The following CCDC191 variants were observed in gnomAD, a reference collection of about 807,000 sequenced individuals.
The protein encoded by CCDC191 is coiled-coil domain containing 191, also known as coiled-coil domain-containing protein 191.
CCDC191 carries 99 observed loss-of-function variants against 114.0 expected under a neutral mutation model. That is an observed-to-expected ratio of 0.87 (90% CI 0.74 to 1.03). CCDC191 has a LOEUF of 1.03. Among genes scored for constraint, CCDC191 ranks in the 50% least tolerant of loss-of-function variants. The pLI is 0.00. For missense variants in CCDC191, 973 were observed against 1,087.0 expected (o/e 0.90, Z 1.47); for synonymous variants, 351 against 376.0 (o/e 0.93, Z 0.77).
chr3:114,022,016 A>G (rs2076251267), intron 7 of CCDC191, among the ~76,000 whole-genome samples: 1 of 152,178 alleles, frequency 6.6e-6, no homozygotes, highest in South Asian at 2.1e-4. Context: ...TAGGTAAATA[A>G]AATACAGAAA....
At position 114,005,947 on chromosome 3, in the gene CCDC191, G is replaced by C. The variant is rs575617276; in HGVS notation, c.1429C>G (p.Pro477Ala). The C allele has an allele frequency of 2.0e-5, 33 of 1,613,910 alleles. 1 individual carries two copies. The South Asian group carries it at 3.1e-4, about 15-fold the overall frequency. ...CCCAAGGGAGGCTTTTCCCACAAAG[G>C]GGGCACAGCAGTCTCCTGAGAGAGA... ...VKNGQETAVP[P>A]LWEKPPLGSS... Residue 477 changes from proline (P) to alanine (A), a missense_variant, in exon 10 of 17, where the codon CCT (proline) becomes GCT (alanine). Physicochemically the swap from Pro to Ala is conservative, Grantham distance 27 (BLOSUM62 -1). Coordinates refer to ENST00000295878, the MANE Select transcript of CCDC191 (RefSeq NM_020817.2).
chr3:113,992,804 T>C (rs2075612177), intron 13 of CCDC191, among the ~76,000 whole-genome samples: 1 of 152,226 alleles, frequency 6.6e-6, no homozygotes, highest in Non-Finnish European at 1.5e-5. Flanking sequence ...TCCACACTCA[T>C]TTTATGAGGC....
chr3:114,001,160 T>C (rs947546487), intron 13 of CCDC191, among the ~76,000 whole-genome samples: 13 of 152,198 alleles, frequency 8.5e-5, no homozygotes, highest in African/African-American at 3.1e-4. Flanking sequence ...ATTTATTCAC[T>C]CATTAAACAC....
At chr3:113,980,861 A>C in intron 13 of CCDC191, 68 bp from the exon 14 acceptor site, 1 of 1,410,280 alleles carries the variant, frequency 7.1e-7, no homozygotes, top group Non-Finnish European at 9.8e-7. Flanking sequence ...ATGAAAAGCT[A>C]ATGAATTTAA....
At chr3:113,975,865 G>C (rs1941290680) in intron 16 of CCDC191, among the ~76,000 whole-genome samples, 1 of 152,216 alleles carries the variant, frequency 6.6e-6, no homozygotes, top group African/African-American at 2.4e-5. Context: ...ATATCAAGTA[G>C]ACATTGGCTG....
At chr3:113,982,435 T>A (rs1250322205) in intron 13 of CCDC191, among the ~76,000 whole-genome samples, 5 of 152,194 alleles carry the variant, frequency 3.3e-5, no homozygotes, top group African/African-American at 1.2e-4. Flanking sequence ...AGCACCTGCA[T>A]CCATGATTTA....
At chr3:113,971,328 A>G (rs953242198) in intron 16 of CCDC191, among the ~76,000 whole-genome samples, 1 of 152,082 alleles carries the variant, frequency 6.6e-6, no homozygotes, top group African/African-American at 2.4e-5. Context: ...GATGATGAGC[A>G]TTTTTTCTTG....
chr3:113,979,115 G>T, intron 14 of CCDC191, 105 bp from the exon 15 acceptor site: 1 of 1,042,214 alleles, frequency 9.6e-7, no homozygotes, highest in Non-Finnish European at 1.4e-6. Flanking sequence ...TAGGCAGTCG[G>T]TAGAGAATAA....
intron 3 of CCDC191, among the ~76,000 whole-genome samples, chr3:114,045,000 T>C (rs2076610040): frequency 1.3e-5 from 2 of 152,240 alleles, no homozygotes; most frequent in African/African-American, 2.4e-5. Context: ...TCTATCCATA[T>C]ACCAAACCAT....
At chr3:113,999,813 T>C (rs2075817886) in intron 13 of CCDC191, among the ~76,000 whole-genome samples, 1 of 152,254 alleles carries the variant, frequency 6.6e-6, no homozygotes, top group Non-Finnish European at 1.5e-5. Flanking sequence ...TCTATCACAG[T>C]ATTTAAGTTA....
intron 16 of CCDC191, among the ~76,000 whole-genome samples, chr3:113,974,887 CT>C (rs1278993816): frequency 6.6e-6 from 1 of 152,024 alleles, no homozygotes; most frequent in African/African-American, 2.4e-5. Flanking sequence ...TCTCTCTAAT[CT>C]TTTATGTTTT....
intron 16 of CCDC191, among the ~76,000 whole-genome samples, chr3:113,965,985 G>A (rs896869519): frequency 3.3e-5 from 5 of 152,056 alleles, no homozygotes; most frequent in Admixed American, 6.6e-5. Flanking sequence ...CCCAAGCTAC[G>A]AGGCACACTC....
intron 13 of CCDC191, among the ~76,000 whole-genome samples, chr3:113,998,167 G>T (rs568005288): frequency 6.6e-6 from 1 of 151,776 alleles, no homozygotes; most frequent in East Asian, 1.9e-4. Flanking sequence ...TTAGCCAGGC[G>T]TGGTGGTGCA....
At chr3:113,998,260 C>T (rs1230817162) in intron 13 of CCDC191, among the ~76,000 whole-genome samples, 2 of 144,288 alleles carry the variant, frequency 1.4e-5, no homozygotes, top group East Asian at 2.1e-4. Context: ...GAGCCGAGAT[C>T]GCACCATTGC....
intron 7 of CCDC191, among the ~76,000 whole-genome samples, chr3:114,027,624 A>AAAAAG (rs2076343082): frequency 1.5e-5 from 2 of 130,956 alleles, no homozygotes; most frequent in Non-Finnish European, 3.3e-5. Context: ...AAAAAAAAAG[A>AAAAAG]AAAAAAAATC....
chr3:114,025,019 A>G (rs2076299588), intron 7 of CCDC191, among the ~76,000 whole-genome samples: 1 of 152,112 alleles, frequency 6.6e-6, no homozygotes, highest in African/African-American at 2.4e-5. Flanking sequence ...CCCCAACTAT[A>G]TATGCTCATA....
intron 9 of CCDC191, among the ~76,000 whole-genome samples, chr3:114,009,006 C>T (rs1299912901): frequency 1.3e-5 from 2 of 152,030 alleles, no homozygotes; most frequent in African/African-American, 2.4e-5. Context: ...TGTTACTATA[C>T]GGAATACTGT....
At chr3:113,982,209 T>C (rs948243350) in intron 13 of CCDC191, among the ~76,000 whole-genome samples, 2 of 152,194 alleles carry the variant, frequency 1.3e-5, no homozygotes, top group African/African-American at 4.8e-5. Context: ...TTCAGCTGAA[T>C]TGTGGGGAAA....
Position 113,980,802 on chromosome 3 carries a change from G to T in CCDC191, c.2164-9C>A, listed in dbSNP as rs1247877619. 6.3e-7 allele frequency: 1 copy of T among 1,592,118 alleles called. No individual in the cohort carries two copies. Among genetic ancestry groups the T allele is most frequent in the African/African-American group, 1.4e-5 (1 of 73,428 alleles). ...TGCTTCTCAAGTTCTTTCTGGAAAA[G>T]ATTAAAAAGCAAAATGCTATGATCA... On this transcript the variant is annotated splice_polypyrimidine_tract_variant and intron_variant, in intron 13 of 16. Transcript: ENST00000295878.
Sources: allele counts gnomAD v4.1 joint callset (sites outside exome capture counted in the v4.1 genomes callset), GRCh38; gene constraint gnomAD v4.1.1; transcripts MANE v1.5; gene names NCBI Gene and HGNC (gene_info 2026-07-23, HGNC 2026-07-21).